ANOS1: variants seen among roughly 807,000 people sequenced by gnomAD.
ANOS1 encodes the protein anosmin-1.
A neutral mutation model predicts 59.0 loss-of-function variants in ANOS1; 6 were observed. That is an observed-to-expected ratio of 0.10 (90% CI 0.06 to 0.20). The LOEUF is 0.20. Among genes scored for constraint, ANOS1 ranks in the 10% least tolerant of loss-of-function variants. The probability of loss-of-function intolerance (pLI) is 1.00; values close to 1 mark genes in which losing one functional copy is unlikely to be tolerated. For synonymous variants in ANOS1, 217 were observed against 223.4 expected, an observed-to-expected ratio of 0.97 and a Z score of 0.25; for missense variants, 433 against 542.3, an observed-to-expected ratio of 0.80 and a Z score of 2.00.
Position 8,534,261 on chromosome X carries a change from T to C in ANOS1, c.1984+58A>G, listed in dbSNP as rs1443178745. On this transcript the variant is annotated intron_variant, in intron 13 of 13. Transcript: ENST00000262648. The stretch of plus-strand genomic sequence containing the variant: ...ATTTGTTTTCATTTTCCAGCAAGAT[T>C]TTTCTCTATGTCCACAAGACCTGAC... 6.1e-6 allele frequency: 7 copies of C among 1,147,078 alleles called. No homozygotes were observed. The Admixed American group carries it at 1.3e-4, about 22-fold the overall frequency. The allele number at this position is 1,147,078 out of a possible 1,213,427, so 94.5% of individuals were successfully genotyped here. A position where few individuals can be genotyped will look rare whatever the true frequency, so the allele number is the denominator to read the frequency against.
At chrX:8,545,433 C>A (rs1219424984) in intron 9 of ANOS1, among the ~76,000 whole-genome samples, 3 of 106,659 alleles carry the variant, frequency 2.8e-5, no homozygotes, top group Non-Finnish European at 3.9e-5. Context: ...GGCAGGCAGG[C>A]CAGAAAGCTT....
intron 6 of ANOS1, among the ~76,000 whole-genome samples, chrX:8,576,483 C>CAT (rs1930325908): frequency 9.8e-6 from 1 of 102,328 alleles, no homozygotes; most frequent in Non-Finnish European, 1.9e-5. Flanking sequence ...CACACACACA[C>CAT]ACACACATAC....
chrX:8,539,486 G>A lies in ANOS1; in HGVS notation c.1449+178C>T, dbSNP rs1929646754. 2.7e-5 allele frequency among the ~76,000 whole-genome samples: 3 copies of A among 110,911 alleles called. No individual in the cohort carries two copies. The South Asian group carries it at 1.2e-3, about 43-fold the overall frequency. On this transcript the variant is annotated intron_variant, in intron 10 of 13. Coordinates refer to ENST00000262648, the MANE Select transcript of ANOS1 (RefSeq NM_000216.4). ...TAACAGAGTAAGCTCCCAGTGCAAT[G>A]GTGTGAATGGATAAAAGAATGAGTG...
chrX:8,636,435 T>C (rs10521595), intron 2 of ANOS1, among the ~76,000 whole-genome samples: 11,741 of 111,819 alleles, frequency 0.1, 779 homozygotes, highest in South Asian at 0.25. Flanking sequence ...AGATTGTTTA[T>C]ATCAGTAATA....
chrX:8,691,524 G>GATGC (rs1267084136), intron 2 of ANOS1, among the ~76,000 whole-genome samples: 1 of 111,707 alleles, frequency 9.0e-6, no homozygotes, highest in African/African-American at 3.3e-5. Context: ...TGGATGGATG[G>GATGC]ATGGACGGAT....
intron 6 of ANOS1, among the ~76,000 whole-genome samples, chrX:8,580,395 T>C (rs1261287897): frequency 1.8e-5 from 2 of 110,756 alleles, no homozygotes; most frequent in African/African-American, 3.4e-5. Flanking sequence ...GCCCATCCTA[T>C]ATTTATGCAT....
At chrX:8,557,918 C>T (rs1929972929) in intron 8 of ANOS1, among the ~76,000 whole-genome samples, 1 of 111,769 alleles carries the variant, frequency 8.9e-6, no homozygotes, top group Non-Finnish European at 1.9e-5. Flanking sequence ...AGACTTGGTG[C>T]CAACCCAAAT....
intron 9 of ANOS1, among the ~76,000 whole-genome samples, chrX:8,544,532 T>C (rs1473909390): frequency 9.6e-6 from 1 of 103,673 alleles, no homozygotes; most frequent in East Asian, 3.0e-4. Context: ...GAGTATCACA[T>C]AGGCATTTCT....
intron 9 of ANOS1, among the ~76,000 whole-genome samples, chrX:8,546,224 G>A (rs531130612): frequency 2.7e-5 from 3 of 111,903 alleles, no homozygotes; most frequent in African/African-American, 9.7e-5. Flanking sequence ...CTTTGGTTTG[G>A]GATTCTGTAG....
At chrX:8,680,836 G>C (rs1932413935) in intron 2 of ANOS1, among the ~76,000 whole-genome samples, 1 of 111,714 alleles carries the variant, frequency 9.0e-6, no homozygotes, top group Non-Finnish European at 1.9e-5. Flanking sequence ...GGATTATTTT[G>C]AGCTGAGAGC....
At chrX:8,698,022 G>C (rs1444817784) in intron 2 of ANOS1, among the ~76,000 whole-genome samples, 2 of 112,178 alleles carry the variant, frequency 1.8e-5, no homozygotes, top group East Asian at 5.6e-4. Flanking sequence ...AACATCCAAA[G>C]GAGTCAAACT....
intron 1 of ANOS1, among the ~76,000 whole-genome samples, chrX:8,727,655 G>A (rs1259152750): frequency 8.9e-6 from 1 of 112,253 alleles, no homozygotes; most frequent in African/African-American, 3.2e-5. Context: ...AGGCAAAAGA[G>A]GGGACCTGGC....
intron 9 of ANOS1, among the ~76,000 whole-genome samples, chrX:8,552,486 T>C (rs1173894921): frequency 1.8e-5 from 2 of 112,136 alleles, no homozygotes; most frequent in East Asian, 5.6e-4. Flanking sequence ...CAGGCAGCAA[T>C]ATAAATGAAT....
intron 6 of ANOS1, among the ~76,000 whole-genome samples, chrX:8,579,781 A>G (rs773131405): frequency 2.7e-5 from 3 of 109,721 alleles, no homozygotes; most frequent in African/African-American, 1.0e-4. Flanking sequence ...AACACCCTTA[A>G]CCCCCCTCCA....
At chrX:8,722,203 T>A (rs1932879332) in intron 1 of ANOS1, among the ~76,000 whole-genome samples, 1 of 111,985 alleles carries the variant, frequency 8.9e-6, no homozygotes, top group African/African-American at 3.2e-5. Flanking sequence ...CAGTACTTTT[T>A]AAAAAAATAC....
chrX:8,551,052 C>T (rs908658036), intron 9 of ANOS1, among the ~76,000 whole-genome samples: 1 of 111,342 alleles, frequency 9.0e-6, no homozygotes, highest in Non-Finnish European at 1.9e-5. Context: ...GCTCTTTTGC[C>T]TACCACCACG....
rs1569082535 is a variant in ANOS1 at position 8,685,596 on chromosome X, G to GAAA, written c.255+14101_255+14102insTTT. Among the ~76,000 whole-genome samples the GAAA allele has an allele frequency of 1.1e-4, 7 of 64,903 alleles. No individual in the cohort carries two copies. The Admixed American group carries it at 1.2e-3, about 11-fold the overall frequency. The allele number at this position is 64,903 out of a possible 115,157, so 56.4% of individuals were successfully genotyped here. A position where few individuals can be genotyped will look rare whatever the true frequency, so the allele number is the denominator to read the frequency against. ...AAGGAAGGAAAGAAAGAGAAAGAAA[G>GAAA]GAAGAAAGAAAGAAAGAAAGAAAGA... On this transcript the variant is annotated intron_variant, in intron 2 of 13. Coordinates refer to ENST00000262648, the MANE Select transcript of ANOS1 (RefSeq NM_000216.4).
rs754645026 is a variant in ANOS1, at chrX:8,537,420, T to C, written c.1450-478A>G. 1.5e-3 allele frequency among the ~76,000 whole-genome samples: 163 copies of C among 112,014 alleles called. 2 individuals carry two copies. The highest frequency in any genetic ancestry group is 5.2e-3 in the African/African-American group (160 of 30,854). On this transcript the variant is annotated intron_variant, in intron 10 of 13. Transcript: ENST00000262648. ...GTGCTGTTACTGTTTTCTGCCATAA[T>C]GTTGTGATTAAATATAAATAAAAGA... is the stretch of plus-strand genomic sequence containing the variant.
intron 6 of ANOS1, among the ~76,000 whole-genome samples, chrX:8,584,794 A>G (rs1930481955): frequency 8.9e-6 from 1 of 112,429 alleles, no homozygotes; most frequent in Non-Finnish European, 1.9e-5. Flanking sequence ...GAACTGAACA[A>G]AATTATAGCA....
Sources: gnomAD v4.1 joint callset for allele counts (sites outside exome capture counted in the v4.1 genomes callset) on GRCh38, gnomAD v4.1.1 for gene constraint, MANE v1.5 for transcripts, NCBI Gene and HGNC (gene_info 2026-07-23, HGNC 2026-07-21) for gene names.